The following IGSF3 variants were observed in gnomAD, a reference collection of about 807,000 sequenced individuals.
The protein encoded by IGSF3 is immunoglobulin superfamily member 3.
In IGSF3, 23 loss-of-function variants were observed where a neutral mutation model predicts 114.4. The observed-to-expected ratio is 0.20, with a 90% CI of 0.14 to 0.28. The LOEUF (loss-of-function observed/expected upper bound fraction) is 0.28, where lower values mean the gene tolerates loss of function less well. Ranked by LOEUF, IGSF3 falls within the 10% of genes least tolerant of loss-of-function variation. The pLI is 1.00. For synonymous variants in IGSF3, 571 were observed against 645.2 expected (o/e 0.88, Z 1.74); for missense variants, 1,172 against 1,591.5 (o/e 0.74, Z 4.48).
rs1660755674 is a variant in IGSF3, at chr1:116,605,349, T to G, written c.1223-1324A>C. 6.6e-6 allele frequency among the ~76,000 whole-genome samples: 1 copy of G among 151,952 alleles called. No individual in the cohort carries two copies. Among genetic ancestry groups the G allele is most frequent in the African/African-American group, 2.4e-5 (1 of 41,358 alleles). ...CAAAGACGAGCACTGAGCCTCCACA[T>G]GTAGCTCTTATTATAGTGAGGATGC... On this transcript the variant is annotated intron_variant, in intron 5 of 10. Coordinates refer to ENST00000369486, the MANE Select transcript of IGSF3 (RefSeq NM_001007237.3). The surrounding 1 kb of genome is among the most constrained non-coding windows in gnomAD (Gnocchi z 5.1).
rs1660135166 is a variant in IGSF3, at chr1:116,592,064, A to AT, written c.2030-2961dup. 6.6e-6 allele frequency among the ~76,000 whole-genome samples: 1 copy of AT among 152,166 alleles called. No individual in the cohort carries two copies. Among genetic ancestry groups the AT allele is most frequent in the Non-Finnish European group, 1.5e-5 (1 of 68,028 alleles). ...ACACTTAGAATGGGAGTTGTCAAGC[A>AT]TAAGTGGCAATCTTCCTGCTCAAAG... On this transcript the variant is annotated intron_variant, in intron 7 of 10. Coordinates refer to ENST00000369486, the MANE Select transcript of IGSF3 (RefSeq NM_001007237.3). This position sits in a 1 kb window ranked among gnomAD's most constrained non-coding sequence, Gnocchi z 4.5.
intron 4 of IGSF3, among the ~76,000 whole-genome samples, chr1:116,611,292 T>G (rs2101481999): frequency 6.6e-6 from 1 of 152,330 alleles, no homozygotes; most frequent in East Asian, 1.9e-4. Flanking sequence ...GGAAGGGGAC[T>G]TTTTATTCAT....
At position 116,624,541 on chromosome 1, in the gene IGSF3, T is replaced by A. The variant is rs36029779; in HGVS notation, c.44-8084A>T. Among the ~76,000 whole-genome samples, 3,323 of 152,368 alleles carry A rather than the reference T, an allele frequency of 0.022. 46 individuals carry two copies. Among genetic ancestry groups the A allele is most frequent in the Non-Finnish European group, 0.032 (2,207 of 68,042 alleles). On this transcript the variant is annotated intron_variant, in intron 2 of 10. Transcript: ENST00000369486. This position sits in a 1 kb window ranked among gnomAD's most constrained non-coding sequence, Gnocchi z 4.9. The stretch of plus-strand genomic sequence containing the variant: ...GTAGCAATAGTAGTGATATTAACTC[T>A]AGCTGTGGAACTAATTTCTCCCACA...
rs1269537197 is a variant in IGSF3, at chr1:116,664,281, A to C, written c.43+2003T>G. Among the ~76,000 whole-genome samples, 1 of 152,166 alleles carries C rather than the reference A, an allele frequency of 6.6e-6. No individual in the cohort carries two copies. Among genetic ancestry groups the C allele is most frequent in the Non-Finnish European group, 1.5e-5 (1 of 68,026 alleles). On this transcript the variant is annotated intron_variant, in intron 2 of 10. Transcript: ENST00000369486. The surrounding 1 kb of genome is among the most constrained non-coding windows in gnomAD (Gnocchi z 4.6). ...ATTTTCCTCCATGGCACCTGTTTACACATGAAGATGAGGGTGGAGGGAAAA... is the reference window on the plus strand; with the variant it reads ...ATTTTCCTCCATGGCACCTGTTTACCCATGAAGATGAGGGTGGAGGGAAAA...
At chr1:116,620,083 T>C (rs1661366350) in intron 2 of IGSF3, among the ~76,000 whole-genome samples, 1 of 152,216 alleles carries the variant, frequency 6.6e-6, no homozygotes, top group South Asian at 2.1e-4. Flanking sequence ...TATTTATATA[T>C]ATATACATAT....
intron 4 of IGSF3, among the ~76,000 whole-genome samples, chr1:116,609,491 C>G (rs1426110791): frequency 1.3e-5 from 2 of 152,102 alleles, no homozygotes; most frequent in African/African-American, 4.8e-5. Flanking sequence ...TACCAGTGTA[C>G]AGTGGCTATT....
At position 116,649,781 on chromosome 1, in the gene IGSF3, T is replaced by C. The variant is rs1360095523; in HGVS notation, c.43+16503A>G. ...TTCTCCCCTGTTCATAAGCCTGTAA[T>C]ACTTTTCCGGCTGCATAAGTCACGT... On this transcript the variant is annotated intron_variant, in intron 2 of 10. Transcript: ENST00000369486. This position sits in a 1 kb window ranked among gnomAD's most constrained non-coding sequence, Gnocchi z 4.5. Among the ~76,000 whole-genome samples the C allele has an allele frequency of 1.3e-5, 2 of 152,348 alleles. No individual in the cohort carries two copies. The highest frequency in any genetic ancestry group is 1.5e-5 in the Non-Finnish European group (1 of 68,040).
rs905844437 is a variant in IGSF3, at chr1:116,664,366, G to A, written c.43+1918C>T. ...CACTCCACAGAGTGGCCCAGAGAGC[G>A]AACAGCAGGGGGACCAGCATGCAGC... On this transcript the variant is annotated intron_variant, in intron 2 of 10. Coordinates refer to ENST00000369486, the MANE Select transcript of IGSF3 (RefSeq NM_001007237.3). The surrounding 1 kb of genome is among the most constrained non-coding windows in gnomAD (Gnocchi z 4.6). Among the ~76,000 whole-genome samples, 1 of 152,192 alleles carries A rather than the reference G, an allele frequency of 6.6e-6. No individual in the cohort carries two copies. The highest frequency in any genetic ancestry group is 2.4e-5 in the African/African-American group (1 of 41,432).
In IGSF3 at chr1:116,584,099, G is replaced by A. The variant is rs913422346; in HGVS notation, c.2848+546C>T. Among the ~76,000 whole-genome samples the A allele has an allele frequency of 2.6e-5, 4 of 152,072 alleles. No individual in the cohort carries two copies. The highest frequency in any genetic ancestry group is 7.2e-5 in the African/African-American group (3 of 41,396). On this transcript the variant is annotated intron_variant, in intron 9 of 10. Transcript: ENST00000369486. The surrounding 1 kb of genome is among the most constrained non-coding windows in gnomAD (Gnocchi z 5.8). ...AGCTACTTGGGAGACTGAGGCAGGAGAATCACTTGAATCTGGGAGGCGGAG... is the reference window on the plus strand; with the variant it reads ...AGCTACTTGGGAGACTGAGGCAGGAAAATCACTTGAATCTGGGAGGCGGAG...
chr1:116,579,549 G>C lies in IGSF3; in HGVS notation c.3177C>G (p.Ser1059=). 6.2e-7 allele frequency: 1 copy of C among 1,614,180 alleles called. No homozygotes were observed. Among genetic ancestry groups the C allele is most frequent in the Non-Finnish European group, 8.5e-7 (1 of 1,180,028 alleles). Residue 1059 remains serine (S), a synonymous_variant, in exon 10 of 11, where the codon TCC becomes TCG. Transcript: ENST00000369486. This position sits in a 1 kb window ranked among gnomAD's most constrained non-coding sequence, Gnocchi z 6.4. ...GCACTGTGAGCCGGTAGAGCACCGG[G>C]GAGAGCCTCTGGAAGCGAAGCCTGC... ...WEGRLRFQRL[S]PVLYRLTVLQ... is the part of the protein sequence containing the mutation.
In IGSF3 at chr1:116,605,731, T is replaced by A. The variant is rs1660770773; in HGVS notation, c.1223-1706A>T. On this transcript the variant is annotated intron_variant, in intron 5 of 10. Coordinates refer to ENST00000369486, the MANE Select transcript of IGSF3 (RefSeq NM_001007237.3). This position sits in a 1 kb window ranked among gnomAD's most constrained non-coding sequence, Gnocchi z 5.1. The stretch of plus-strand genomic sequence containing the variant: ...AATAACAACAATATTCCTCTTTAGA[T>A]TAAAGACTCATCCCCACTGTTATCA... 6.6e-6 allele frequency among the ~76,000 whole-genome samples: 1 copy of A among 152,202 alleles called. No homozygotes were observed. The highest frequency in any genetic ancestry group is 1.5e-5 in the Non-Finnish European group (1 of 68,024).
chr1:116,577,350 GC>G lies in IGSF3; in HGVS notation c.3546del (p.Glu1182AspfsTer12), dbSNP rs1312792520. The G allele has an allele frequency of 6.2e-7, 1 of 1,614,024 alleles. No individual in the cohort carries two copies. The highest frequency in any genetic ancestry group is 1.7e-5 in the Admixed American group (1 of 60,016). On this transcript the variant is annotated frameshift_variant, in exon 11 of 11. Transcript: ENST00000369486. LOFTEE classifies it high-confidence loss of function. The surrounding 1 kb of genome is among the most constrained non-coding windows in gnomAD (Gnocchi z 5.7). ...PHLNYSPTCL[E>X]PPVLSIHPGA... is the part of the protein sequence containing the mutation. The stretch of plus-strand genomic sequence containing the variant: ...CCTGGATGGATACTGAGAACAGGGG[GC>G]TCCAGGCAAGTAGGGGAGTAGTTGA...
intron 2 of IGSF3, among the ~76,000 whole-genome samples, chr1:116,643,388 G>A (rs907883990): frequency 5.3e-5 from 8 of 152,210 alleles, no homozygotes; most frequent in Non-Finnish European, 7.3e-5. Context: ...GATTCAGGGC[G>A]GACACTCCTC....
intron 2 of IGSF3, among the ~76,000 whole-genome samples, chr1:116,623,838 C>A (rs950253963): frequency 2.6e-5 from 4 of 151,354 alleles, no homozygotes; most frequent in African/African-American, 9.7e-5. Context: ...ATAATCCCAG[C>A]ACTTTGGGAG....
rs1160184099 is a variant in IGSF3, at chr1:116,600,221, C to A, written c.1749G>T (p.Arg583=). The A allele has an allele frequency of 5.0e-6, 8 of 1,614,070 alleles. No homozygotes were observed. Among genetic ancestry groups the A allele is most frequent in the East Asian group, 2.2e-5 (1 of 44,896 alleles). ...PAWVPVSVTW[R]FQPVGTVEFH... ...ACTCCACCGTGCCCACCGGCTGGAA[C>A]CGCCATGTCACCGACACGGGGACCC... The change falls in exon 7 of 11, where the codon CGG becomes CGT. Residue 583 remains arginine, a synonymous_variant. Coordinates refer to ENST00000369486, the MANE Select transcript of IGSF3 (RefSeq NM_001007237.3). The surrounding 1 kb of genome is among the most constrained non-coding windows in gnomAD (Gnocchi z 5.5).
At chr1:116,645,323 T>G (rs1176800928) in intron 2 of IGSF3, among the ~76,000 whole-genome samples, 1 of 152,198 alleles carries the variant, frequency 6.6e-6, no homozygotes, top group Non-Finnish European at 1.5e-5. Flanking sequence ...GTGGCAGGAT[T>G]CAGGTCCCCT....
Position 116,656,291 on chromosome 1 carries a change from TTC to T in IGSF3, c.43+9991_43+9992del, listed in dbSNP as rs1324640564. Among the ~76,000 whole-genome samples the T allele has an allele frequency of 1.2e-4, 16 of 135,656 alleles. No homozygotes were observed. In the East Asian group the frequency reaches 1.4e-3, roughly 12 times the overall value. 89.0% of individuals were successfully genotyped at this position (135,656 alleles called of 152,430 possible). Reference sequence around the variant, plus strand: ...GAACTTTCACATTTTACTTTCTACATTCTTTTTTTTTTTTTTTTTTTTTTTTT... The same window carrying T: ...GAACTTTCACATTTTACTTTCTACATTTTTTTTTTTTTTTTTTTTTTTTTT... On this transcript the variant is annotated intron_variant, in intron 2 of 10. Transcript: ENST00000369486.
rs1391943466 is a variant in IGSF3 at position 116,588,337 on chromosome 1, T to C, written c.2440+357A>G. Among the ~76,000 whole-genome samples, 1 of 151,998 alleles carries C rather than the reference T, an allele frequency of 6.6e-6. No homozygotes were observed. The highest frequency in any genetic ancestry group is 1.5e-5 in the Non-Finnish European group (1 of 67,984). On this transcript the variant is annotated intron_variant, in intron 8 of 10. Transcript: ENST00000369486. The surrounding 1 kb of genome is among the most constrained non-coding windows in gnomAD (Gnocchi z 4.9). ...GTAGGAACTCTGGGTGTGGAGCTGG[T>C]GTCAGCCCAAGATTCAGGGTGCAAA...
chr1:116,600,378 A>T lies in IGSF3; in HGVS notation c.1625-33T>A. On this transcript the variant is annotated intron_variant, in intron 6 of 10. Transcript: ENST00000369486. This position sits in a 1 kb window ranked among gnomAD's most constrained non-coding sequence, Gnocchi z 5.5. The stretch of plus-strand genomic sequence containing the variant: ...GAAAGCAGAGAGATTCAACCAGAGG[A>T]GGCATGTGGCTTTCTCAGGGCAGTA... 1 of 1,577,732 alleles carries T rather than the reference A, an allele frequency of 6.3e-7. No homozygotes were observed. The highest frequency in any genetic ancestry group is 8.6e-7 in the Non-Finnish European group (1 of 1,157,518).
Sources: allele counts gnomAD v4.1 joint callset (sites outside exome capture counted in the v4.1 genomes callset), GRCh38; gene constraint gnomAD v4.1.1; non-coding constraint Gnocchi (gnomAD v3.1); transcripts MANE v1.5; gene names NCBI Gene and HGNC (gene_info 2026-07-23, HGNC 2026-07-21).